RBFOX1: variants seen among roughly 807,000 people sequenced by gnomAD.
RBFOX1 encodes RNA binding protein fox-1 homolog 1.
A neutral mutation model predicts 57.7 loss-of-function variants in RBFOX1; 8 were observed. The observed-to-expected ratio is 0.14, with a 90% CI of 0.08 to 0.25. The LOEUF is 0.25. RBFOX1 is among the 10% of genes least tolerant of loss of function. The pLI is 1.00. For missense variants in RBFOX1, 611 were observed against 548.5 expected (o/e 1.11, Z -1.14); for synonymous variants, 326 against 222.4 (o/e 1.47, Z -4.15).
intron 3 of RBFOX1, among the ~76,000 whole-genome samples, chr16:6,892,767 CCTGTCTCCCTCTCTCTCT>C (rs2065778717): frequency 1.1e-5 from 1 of 89,136 alleles, no homozygotes; most frequent in Non-Finnish European, 2.2e-5. Context: ...TCAAAGCCTC[CCTGTCTCCCTCTCTCTCT>C]CTCTCTCTCT....
chr16:6,829,720 G>C (rs1356125019), intron 3 of RBFOX1, among the ~76,000 whole-genome samples: 5 of 151,972 alleles, frequency 3.3e-5, no homozygotes, highest in East Asian at 3.9e-4. Flanking sequence ...TTCTGTCTCA[G>C]CCTCCTGAGT....
intron 3 of RBFOX1, among the ~76,000 whole-genome samples, chr16:5,816,234 G>A (rs73512579): frequency 0.028 from 4,287 of 152,190 alleles, 186 homozygotes; most frequent in African/African-American, 0.096. Flanking sequence ...AGAAGCAGGC[G>A]GAATACCTTC....
chr16:6,760,874 C>T (rs1418645054), intron 3 of RBFOX1, among the ~76,000 whole-genome samples: 1 of 152,116 alleles, frequency 6.6e-6, no homozygotes, highest in Non-Finnish European at 1.5e-5. Context: ...CAATGCCACC[C>T]ACCAGAATTG....
intron 2 of RBFOX1, among the ~76,000 whole-genome samples, chr16:6,559,741 C>A (rs1233976710): frequency 6.6e-6 from 1 of 151,972 alleles, no homozygotes; most frequent in East Asian, 1.9e-4. Flanking sequence ...ATCTATATCT[C>A]TTTATATCCA....
At chr16:5,365,915 C>A in intron 1 of RBFOX1, 1 of 494,764 alleles carries the variant, frequency 2.0e-6, no homozygotes, top group Non-Finnish European at 4.0e-6. Flanking sequence ...AAAAGGAGCA[C>A]CAGTTATCTT....
chr16:6,662,501 T>C (rs986634031), intron 3 of RBFOX1, among the ~76,000 whole-genome samples: 1 of 152,206 alleles, frequency 6.6e-6, no homozygotes, highest in African/African-American at 2.4e-5. Context: ...GTACAAGTGT[T>C]GAAACACTTA....
intron 5 of RBFOX1, among the ~76,000 whole-genome samples, chr16:7,522,868 T>G (rs1019959503): frequency 3.9e-5 from 6 of 152,194 alleles, no homozygotes; most frequent in Non-Finnish European, 8.8e-5. Context: ...CTGTATATAT[T>G]TAAAGTATAC....
intron 1 of RBFOX1, among the ~76,000 whole-genome samples, chr16:5,288,853 G>A (rs1283951353): frequency 2.7e-5 from 4 of 149,858 alleles, no homozygotes; most frequent in Non-Finnish European, 5.9e-5. Flanking sequence ...TAGGCTGGGC[G>A]CAGTGGCTCA....
At chr16:7,258,237 G>A (rs1046664932) in intron 4 of RBFOX1, among the ~76,000 whole-genome samples, 1 of 152,166 alleles carries the variant, frequency 6.6e-6, no homozygotes, top group Admixed American at 6.5e-5. Context: ...GATCTTAAAT[G>A]CATTTTCAGT....
chr16:7,456,889 CT>C (rs1397419438), intron 4 of RBFOX1, among the ~76,000 whole-genome samples: 2 of 132,424 alleles, frequency 1.5e-5, no homozygotes, highest in Non-Finnish European at 3.6e-5. Flanking sequence ...GGAAGGTGTA[CT>C]TTTTTTCTTT....
At chr16:5,642,934 C>A (rs2151334797) in intron 3 of RBFOX1, among the ~76,000 whole-genome samples, 2 of 152,314 alleles carry the variant, frequency 1.3e-5, no homozygotes, top group East Asian at 3.9e-4. Flanking sequence ...GCCCGCTCAC[C>A]CACCTGGTAT....
chr16:5,809,850 A>T (rs2055358166), intron 3 of RBFOX1, among the ~76,000 whole-genome samples: 1 of 152,076 alleles, frequency 6.6e-6, no homozygotes, highest in Non-Finnish European at 1.5e-5. Flanking sequence ...ACTATAAATC[A>T]CGCTGCTATA....
chr16:6,907,539 C>T (rs945007828), intron 3 of RBFOX1, among the ~76,000 whole-genome samples: 1 of 151,622 alleles, frequency 6.6e-6, no homozygotes, highest in Non-Finnish European at 1.5e-5. Context: ...CGGTCCTATG[C>T]CTCTCTCTTA....
chr16:6,318,872 G>A (rs1218742075), intron 2 of RBFOX1, among the ~76,000 whole-genome samples: 3 of 151,566 alleles, frequency 2.0e-5, no homozygotes, highest in South Asian at 2.1e-4. Flanking sequence ...GATGTTTATG[G>A]GTATTGATCC....
intron 3 of RBFOX1, among the ~76,000 whole-genome samples, chr16:6,906,240 C>CCT (rs1555608864): frequency 1.5e-5 from 1 of 67,038 alleles, no homozygotes; most frequent in African/African-American, 1.5e-4. Flanking sequence ...CAATTTATTA[C>CCT]CCCCCCCCAA....
chr16:5,971,606 T>G lies in RBFOX1; in HGVS notation c.351+104271T>G, dbSNP rs192026771. ...GCTCTTGTGGTCTTGGATAACTAATTTAATCAACGGTTTAAGCCAGAGTTC... is the reference window on the plus strand; with the variant it reads ...GCTCTTGTGGTCTTGGATAACTAATGTAATCAACGGTTTAAGCCAGAGTTC... On this transcript the variant is annotated intron_variant, in intron 4 of 19. Coordinates refer to the RBFOX1 transcript ENST00000641259. Among the ~76,000 whole-genome samples the G allele has an allele frequency of 3.1e-3, 474 of 152,286 alleles. 3 individuals carry two copies. The highest frequency in any genetic ancestry group is 0.011 in the African/African-American group (451 of 41,564).
chr16:5,690,422 T>C (rs2050638636), intron 3 of RBFOX1, among the ~76,000 whole-genome samples: 1 of 152,154 alleles, frequency 6.6e-6, no homozygotes, highest in Non-Finnish European at 1.5e-5. Context: ...TTTACAGCTC[T>C]ACAAACAGGA....
intron 3 of RBFOX1, among the ~76,000 whole-genome samples, chr16:6,971,239 G>T (rs1017667760): frequency 1.3e-5 from 2 of 152,290 alleles, no homozygotes; most frequent in Non-Finnish European, 1.5e-5. Flanking sequence ...CAGCTGAATT[G>T]TTATGGGGAT....
At chr16:7,284,266 C>A (rs753751362) in intron 4 of RBFOX1, among the ~76,000 whole-genome samples, 1 of 152,172 alleles carries the variant, frequency 6.6e-6, no homozygotes, top group Non-Finnish European at 1.5e-5. Flanking sequence ...TATAACAATT[C>A]TTAGTTCTCC....
Sources: gnomAD v4.1 joint callset for allele counts (sites outside exome capture counted in the v4.1 genomes callset) on GRCh38, gnomAD v4.1.1 for gene constraint, MANE v1.5 for transcripts, NCBI Gene and HGNC (gene_info 2026-07-23, HGNC 2026-07-21) for gene names.